Variants in KIRREL3 observed in about 807,000 individuals in gnomAD.
KIRREL3 encodes the protein kirre like nephrin family adhesion molecule 3.
KIRREL3 carries 36 observed loss-of-function variants against 89.7 expected under a neutral mutation model. That is an observed-to-expected ratio of 0.40 (90% CI 0.31 to 0.53). The LOEUF is 0.53. KIRREL3 is among the 20% of genes least tolerant of loss of function. The pLI is 0.49. For missense variants in KIRREL3, 864 were observed against 1,056.6 expected (o/e 0.82, Z 2.53); for synonymous variants, 445 against 441.4 (o/e 1.01, Z -0.10).
chr11:126,640,339 C>T lies in KIRREL3; in HGVS notation c.56-77427G>A, dbSNP rs1277826538. Among the ~76,000 whole-genome samples, 1 of 152,142 alleles carries T rather than the reference C, an allele frequency of 6.6e-6. No individual in the cohort carries two copies. Among genetic ancestry groups the T allele is most frequent in the Admixed American group, 6.5e-5 (1 of 15,272 alleles). On this transcript the variant is annotated intron_variant, in intron 1 of 16. Transcript: ENST00000525144. This position sits in a 1 kb window ranked among gnomAD's most constrained non-coding sequence, Gnocchi z 4.9. The stretch of plus-strand genomic sequence containing the variant: ...GTCAAGACTAACTGAACACAACACA[C>T]ACACAGACGCGCGTGTGCGCGCGCA...
Position 126,463,019 on chromosome 11 carries a change from C to T in KIRREL3, c.742+138G>A, listed in dbSNP as rs367650339. On this transcript the variant is annotated intron_variant, in intron 6 of 16. Coordinates refer to ENST00000525144, the MANE Select transcript of KIRREL3 (RefSeq NM_032531.4). The surrounding 1 kb of genome is among the most constrained non-coding windows in gnomAD (Gnocchi z 5.9). ...GGAAGACAAGATGGTCCTTCCTGTC[C>T]GTATCTACAAGCTGGCCAATCCACA... 81 of 740,508 alleles carry T rather than the reference C, an allele frequency of 1.1e-4. 2 individuals carry two copies. The highest frequency in any genetic ancestry group is 7.3e-4 in the African/African-American group (42 of 57,150). 45.9% of individuals were successfully genotyped at this position (740,508 alleles called of 1,614,324 possible).
In KIRREL3 at chr11:126,570,155, G is replaced by A. The variant is rs572523982; in HGVS notation, c.56-7243C>T. 2.0e-5 allele frequency among the ~76,000 whole-genome samples: 3 copies of A among 152,062 alleles called. No homozygotes were observed. The highest frequency in any genetic ancestry group is 4.2e-4 in the South Asian group (2 of 4,810). On this transcript the variant is annotated intron_variant, in intron 1 of 16. Coordinates refer to ENST00000525144, the MANE Select transcript of KIRREL3 (RefSeq NM_032531.4). The surrounding 1 kb of genome is among the most constrained non-coding windows in gnomAD (Gnocchi z 6.1). The stretch of plus-strand genomic sequence containing the variant: ...ATGTTTAATTAGCCCAATAATACCT[G>A]TTTTATAATTTTTGGATCTCATTGC...
upstream of KIRREL3, among the ~76,000 whole-genome samples, chr11:127,002,617 A>G (rs1430085714): frequency 6.6e-6 from 1 of 152,222 alleles, no homozygotes; most frequent in Non-Finnish European, 1.5e-5. Context: ...CATTAAGCCT[A>G]TGGGGTTGTT....
chr11:126,690,376 T>C (rs1022153656), intron 1 of KIRREL3, among the ~76,000 whole-genome samples: 114 of 151,754 alleles, frequency 7.5e-4, no homozygotes, highest in African/African-American at 2.4e-3. Context: ...TTTTTTTTTT[T>C]CCCATTAGTT....
At chr11:126,964,363 C>T (rs1310041314) in intron 1 of KIRREL3, among the ~76,000 whole-genome samples, 3 of 152,158 alleles carry the variant, frequency 2.0e-5, no homozygotes, top group Non-Finnish European at 2.9e-5. Flanking sequence ...ATGTGGGCAA[C>T]ACCCCCTTCT....
intron 1 of KIRREL3, among the ~76,000 whole-genome samples, chr11:126,942,785 G>A (rs1183379828): frequency 3.3e-5 from 5 of 152,324 alleles, no homozygotes; most frequent in Middle Eastern, 3.4e-3. Flanking sequence ...GCTCCCTTGA[G>A]CCCTGGAGCT....
At chr11:126,437,040 C>T (rs1370865177) in intron 11 of KIRREL3, 31 bp from the exon 12 acceptor site, 1 of 1,486,604 alleles carries the variant, frequency 6.7e-7, no homozygotes, top group South Asian at 1.4e-5. Flanking sequence ...AGGAGGAGAC[C>T]CCACCAGAGG....
chr11:126,449,303 C>T, intron 7 of KIRREL3, 146 bp from the exon 8 acceptor site: 1 of 854,776 alleles, frequency 1.2e-6, no homozygotes, highest in Non-Finnish European at 1.8e-6. Flanking sequence ...GGAATCTTCA[C>T]AGAGGGGCTA....
In KIRREL3 at chr11:126,687,737, G is replaced by T. The variant is rs960928394; in HGVS notation, c.56-124825C>A. 3.7e-4 allele frequency among the ~76,000 whole-genome samples: 57 copies of T among 152,296 alleles called. No individual in the cohort carries two copies. Among genetic ancestry groups the T allele is most frequent in the African/African-American group, 1.3e-3 (55 of 41,552 alleles). On this transcript the variant is annotated intron_variant, in intron 1 of 16. Coordinates refer to ENST00000525144, the MANE Select transcript of KIRREL3 (RefSeq NM_032531.4). The surrounding 1 kb of genome is among the most constrained non-coding windows in gnomAD (Gnocchi z 4.6). Reference sequence around the variant, plus strand: ...GGGATACAAAGATAAGTGCTCTGAGGCCCCTATTCTCAGAGTGCTCAGTCC... The same window carrying T: ...GGGATACAAAGATAAGTGCTCTGAGTCCCCTATTCTCAGAGTGCTCAGTCC...
chr11:126,984,835 G>A (rs1158227661), intron 1 of KIRREL3, among the ~76,000 whole-genome samples: 3 of 152,132 alleles, frequency 2.0e-5, no homozygotes, highest in East Asian at 1.9e-4. Flanking sequence ...CATACTCTTC[G>A]GGGGCAGGAA....
At chr11:126,438,021 C>T (rs1231045948) in intron 11 of KIRREL3, among the ~76,000 whole-genome samples, 1 of 152,244 alleles carries the variant, frequency 6.6e-6, no homozygotes, top group African/African-American at 2.4e-5. Flanking sequence ...CACATGTACA[C>T]ACACATACTC....
rs1592330763 is a variant in KIRREL3 at position 126,908,800 on chromosome 11, T to C, written c.55+91655A>G. 6.6e-6 allele frequency among the ~76,000 whole-genome samples: 1 copy of C among 152,152 alleles called. No homozygotes were observed. Among genetic ancestry groups the C allele is most frequent in the African/African-American group, 2.4e-5 (1 of 41,428 alleles). On this transcript the variant is annotated intron_variant, in intron 1 of 16. Coordinates refer to ENST00000525144, the MANE Select transcript of KIRREL3 (RefSeq NM_032531.4). This position sits in a 1 kb window ranked among gnomAD's most constrained non-coding sequence, Gnocchi z 4.2. Reference sequence around the variant, plus strand: ...TCGAACAAAGACTCAGGCAAATATATGCAGTCATCCCTCGTTATTCAAGGA... The same window carrying C: ...TCGAACAAAGACTCAGGCAAATATACGCAGTCATCCCTCGTTATTCAAGGA...
chr11:126,533,744 G>A (rs752950962), intron 2 of KIRREL3, among the ~76,000 whole-genome samples: 12 of 152,174 alleles, frequency 7.9e-5, no homozygotes, highest in Non-Finnish European at 1.6e-4. Context: ...TTTGAATCCT[G>A]GCACTTCCAT....
At chr11:126,893,281 T>C (rs1945997975) in intron 1 of KIRREL3, among the ~76,000 whole-genome samples, 1 of 152,250 alleles carries the variant, frequency 6.6e-6, no homozygotes, top group Non-Finnish European at 1.5e-5. Context: ...ATTGATTTTA[T>C]CCAGTTCAGT....
At position 126,795,924 on chromosome 11, in the gene KIRREL3, G is replaced by C. The variant is rs1950796966; in HGVS notation, c.55+204531C>G. ...TCACCCTGGGTAAAGGCTCATGCAG[G>C]CATTGGGAAAAGCATGAATCAGAAA... On this transcript the variant is annotated intron_variant, in intron 1 of 16. Transcript: ENST00000525144. The surrounding 1 kb of genome is among the most constrained non-coding windows in gnomAD (Gnocchi z 4.1). Among the ~76,000 whole-genome samples, 1 of 152,074 alleles carries C rather than the reference G, an allele frequency of 6.6e-6. No homozygotes were observed. The highest frequency in any genetic ancestry group is 6.5e-5 in the Admixed American group (1 of 15,272).
chr11:126,468,145 C>T (rs1956782960), intron 5 of KIRREL3, among the ~76,000 whole-genome samples: 1 of 152,204 alleles, frequency 6.6e-6, no homozygotes, highest in African/African-American at 2.4e-5. Context: ...TTTCTGGGCT[C>T]AGCCTGTCCT....
chr11:126,446,900 A>G lies in KIRREL3; in HGVS notation c.998-14T>C. The stretch of plus-strand genomic sequence containing the variant: ...TCCGGGGCCCAACTGCGATGTGAGG[A>G]AGAAGAAGACAGGTTCAGGTGGGTG... On this transcript the variant is annotated splice_polypyrimidine_tract_variant and intron_variant, in intron 8 of 16. Coordinates refer to ENST00000525144, the MANE Select transcript of KIRREL3 (RefSeq NM_032531.4). 1 of 1,603,750 alleles carries G rather than the reference A, an allele frequency of 6.2e-7. No homozygotes were observed. The highest frequency in any genetic ancestry group is 1.1e-5 in the South Asian group (1 of 88,792).
At chr11:126,832,119 C>T (rs536350631) in intron 1 of KIRREL3, among the ~76,000 whole-genome samples, 3 of 152,232 alleles carry the variant, frequency 2.0e-5, no homozygotes, top group African/African-American at 7.2e-5. Flanking sequence ...AGCCACATGT[C>T]CCAGATTCCA....
chr11:126,634,595 C>T (rs1944187170), intron 1 of KIRREL3, among the ~76,000 whole-genome samples: 1 of 152,124 alleles, frequency 6.6e-6, no homozygotes, highest in African/African-American at 2.4e-5. Flanking sequence ...AAGCTTGACT[C>T]TTGGGTCCTC....
Sources: gnomAD v4.1 joint callset for allele counts (sites outside exome capture counted in the v4.1 genomes callset) on GRCh38, gnomAD v4.1.1 for gene constraint, Gnocchi (gnomAD v3.1) non-coding constraint, MANE v1.5 for transcripts, NCBI Gene and HGNC (gene_info 2026-07-23, HGNC 2026-07-21) for gene names.